Variants in XXYLT1 observed in about 807,000 individuals in gnomAD.
XXYLT1 encodes xyloside xylosyltransferase 1, also known as UDP-xylose:alpha-xyloside alpha-1,3-xylosyltransferase.
XXYLT1 carries 20 observed loss-of-function variants against 28.9 expected under a neutral mutation model. That is an observed-to-expected ratio of 0.69 (90% CI 0.49 to 1.00). The LOEUF (loss-of-function observed/expected upper bound fraction) is 1.00, where lower values mean the gene tolerates loss of function less well. XXYLT1 is among the 50% of genes least tolerant of loss of function. The probability of loss-of-function intolerance (pLI) is 0.00; values close to 1 mark genes in which losing one functional copy is unlikely to be tolerated. For missense variants in XXYLT1, 542 were observed against 560.1 expected, an observed-to-expected ratio of 0.97 and a Z score of 0.33; for synonymous variants, 257 against 253.8, an observed-to-expected ratio of 1.01 and a Z score of -0.12.
intron 1 of XXYLT1, 110 bp downstream of exon 1, chr3:195,270,445 A>C: frequency 4.5e-6 from 6 of 1,340,534 alleles, no homozygotes; most frequent in Non-Finnish European, 5.7e-6. Context: ...CGGGCAGCTC[A>C]GGGAAGATCC....
intron 1 of XXYLT1, among the ~76,000 whole-genome samples, chr3:195,254,152 C>T (rs1442245288): frequency 3.3e-5 from 5 of 152,218 alleles, no homozygotes; most frequent in Non-Finnish European, 7.3e-5. Context: ...ACTCTGGCCA[C>T]AGACGTCAGC....
rs552102639 is a variant in XXYLT1 at position 195,166,632 on chromosome 3, T to C, written c.653-10051A>G. Among the ~76,000 whole-genome samples the C allele has an allele frequency of 2.6e-5, 4 of 152,334 alleles. 1 individual carries two copies. The South Asian group carries it at 8.3e-4, about 32-fold the overall frequency. Reference sequence around the variant, plus strand: ...TCTGAAATGATTCTTCAGTCTTTCTTTGTTTTCCAGGACTTAGGACAATTT... The same window carrying C: ...TCTGAAATGATTCTTCAGTCTTTCTCTGTTTTCCAGGACTTAGGACAATTT... On this transcript the variant is annotated intron_variant, in intron 2 of 3. Transcript: ENST00000310380.
At chr3:195,112,607 A>G (rs9681423) in intron 3 of XXYLT1, among the ~76,000 whole-genome samples, 20 of 95,384 alleles carry the variant, frequency 2.1e-4, no homozygotes, top group African/African-American at 5.5e-4. Flanking sequence ...GCATGCACAC[A>G]CACGCACACA....
chr3:195,246,460 C>G (rs928094813), intron 1 of XXYLT1, among the ~76,000 whole-genome samples: 1 of 152,202 alleles, frequency 6.6e-6, no homozygotes, highest in Non-Finnish European at 1.5e-5. Context: ...AGGTACGGCA[C>G]CTTGTGGACC....
At position 195,105,791 on chromosome 3, in the gene XXYLT1, A is replaced by C. The variant is rs555831804; in HGVS notation, c.786-35680T>G. Among the ~76,000 whole-genome samples the C allele has an allele frequency of 1.1e-4, 16 of 152,308 alleles. No homozygotes were observed. In the South Asian group the frequency reaches 3.3e-3, roughly 32 times the overall value. ...CAGGTCATTTTCCCACCGTCGGTGA[A>C]ACTGTGAGGAAACCATGGTATTATT... On this transcript the variant is annotated intron_variant, in intron 3 of 3. Coordinates refer to ENST00000310380, the MANE Select transcript of XXYLT1 (RefSeq NM_152531.5).
At chr3:195,136,305 C>T (rs1719197209) in intron 3 of XXYLT1, among the ~76,000 whole-genome samples, 1 of 152,184 alleles carries the variant, frequency 6.6e-6, no homozygotes, top group Non-Finnish European at 1.5e-5. Context: ...TTAACATACA[C>T]CTGTATACTG....
chr3:195,105,277 T>C (rs183032978), intron 3 of XXYLT1, among the ~76,000 whole-genome samples: 13 of 152,384 alleles, frequency 8.5e-5, no homozygotes, highest in African/African-American at 3.1e-4. Context: ...ATTAAAACTC[T>C]ATAATATATA....
intron 2 of XXYLT1, among the ~76,000 whole-genome samples, chr3:195,165,998 G>A (rs1429667501): frequency 2.0e-5 from 3 of 152,088 alleles, no homozygotes; most frequent in African/African-American, 7.2e-5. Flanking sequence ...CCAAGGTTGA[G>A]AGGAGCCCCT....
At chr3:195,106,171 A>G (rs1474209115) in intron 3 of XXYLT1, among the ~76,000 whole-genome samples, 1 of 152,194 alleles carries the variant, frequency 6.6e-6, no homozygotes, top group Non-Finnish European at 1.5e-5. Context: ...AAAACAATAA[A>G]ACCTCTTTGT....
At position 195,226,670 on chromosome 3, in the gene XXYLT1, A is replaced by G. The variant is rs370854680; in HGVS notation, c.652+39T>C. ...AACCAGGGAAATGGATGCAAAAGTC[A>G]GACACCCAGGGGCTATTGCTCCTGG... On this transcript the variant is annotated intron_variant, in intron 2 of 3. Coordinates refer to ENST00000310380, the MANE Select transcript of XXYLT1 (RefSeq NM_152531.5). 3 of 1,595,786 alleles carry G rather than the reference A, an allele frequency of 1.9e-6. No individual in the cohort carries two copies. In the African/African-American group the frequency reaches 4.1e-5, roughly 22 times the overall value.
intron 2 of XXYLT1, among the ~76,000 whole-genome samples, chr3:195,163,951 T>C (rs925250964): frequency 2.0e-5 from 3 of 152,258 alleles, no homozygotes; most frequent in Non-Finnish European, 4.4e-5. Context: ...TGTTTAAGCA[T>C]CCTTCCTGGA....
intron 2 of XXYLT1, among the ~76,000 whole-genome samples, chr3:195,220,741 T>C (rs1723790024): frequency 6.6e-6 from 1 of 152,170 alleles, no homozygotes; most frequent in Non-Finnish European, 1.5e-5. Flanking sequence ...CTTCGAAGCC[T>C]CTGGGCTCCC....
chr3:195,121,080 A>C (rs556540922), intron 3 of XXYLT1, among the ~76,000 whole-genome samples: 29 of 152,188 alleles, frequency 1.9e-4, no homozygotes, highest in African/African-American at 7.0e-4. Flanking sequence ...GAGCACCCCC[A>C]TGCTCCCAGG....
intron 1 of XXYLT1, among the ~76,000 whole-genome samples, chr3:195,243,208 C>T (rs1724856120): frequency 1.3e-5 from 2 of 151,312 alleles, no homozygotes; most frequent in Admixed American, 6.6e-5. Context: ...CAGGGCCTGT[C>T]GTGGGGTGGG....
chr3:195,237,485 C>T (rs984189679), intron 1 of XXYLT1, among the ~76,000 whole-genome samples: 1 of 151,968 alleles, frequency 6.6e-6, no homozygotes, highest in African/African-American at 2.4e-5. Context: ...GTGCTTCTTT[C>T]GGTAATATGA....
chr3:195,197,563 T>A (rs1334386462), intron 2 of XXYLT1, among the ~76,000 whole-genome samples: 1 of 152,164 alleles, frequency 6.6e-6, no homozygotes, highest in African/African-American at 2.4e-5. Flanking sequence ...GAAATAATAT[T>A]AAGAAACACT....
rs1356277967 is a variant in XXYLT1 at position 195,202,630 on chromosome 3, C to CA, written c.652+24078dup. ...AGACTGCCATGTCTACCAGCAGCCCCAGAAGGTGAAAATCTGGGACCCCTA... is the reference window on the plus strand; with the variant it reads ...AGACTGCCATGTCTACCAGCAGCCCCAAGAAGGTGAAAATCTGGGACCCCTA... On this transcript the variant is annotated intron_variant, in intron 2 of 3. Coordinates refer to ENST00000310380, the MANE Select transcript of XXYLT1 (RefSeq NM_152531.5). 2.0e-5 allele frequency among the ~76,000 whole-genome samples: 3 copies of CA among 152,170 alleles called. No individual in the cohort carries two copies. In the East Asian group the frequency reaches 5.8e-4, roughly 29 times the overall value.
At chr3:195,147,160 T>C (rs1719896830) in intron 3 of XXYLT1, among the ~76,000 whole-genome samples, 1 of 152,222 alleles carries the variant, frequency 6.6e-6, no homozygotes, top group African/African-American at 2.4e-5. Flanking sequence ...CATTAAGTTT[T>C]ATCTACCCTA....
chr3:195,180,588 C>T lies in XXYLT1; in HGVS notation c.653-24007G>A, dbSNP rs747716304. ...ACCCTAAGGCCCTTCCCAGCCCTCT[C>T]CAGAGCGTGATGTGGCCCCGTCTGG... is the stretch of plus-strand genomic sequence containing the variant. On this transcript the variant is annotated intron_variant, in intron 2 of 3. Transcript: ENST00000310380. This position sits in a 1 kb window ranked among gnomAD's most constrained non-coding sequence, Gnocchi z 5.8. The T allele has an allele frequency of 3.2e-4, 310 of 983,084 alleles. No individual in the cohort carries two copies. Among genetic ancestry groups the T allele is most frequent in the Non-Finnish European group, 3.7e-4 (303 of 827,898 alleles). 60.9% of individuals were successfully genotyped at this position (983,084 alleles called of 1,614,324 possible). A position where few individuals can be genotyped will look rare whatever the true frequency, so the allele number is the denominator to read the frequency against.
Sources: allele counts gnomAD v4.1 joint callset (sites outside exome capture counted in the v4.1 genomes callset), GRCh38; gene constraint gnomAD v4.1.1; non-coding constraint Gnocchi (gnomAD v3.1); transcripts MANE v1.5; gene names NCBI Gene and HGNC (gene_info 2026-07-23, HGNC 2026-07-21).